The following LAMB4 variants were observed in gnomAD, a reference collection of about 807,000 sequenced individuals.
LAMB4 encodes the protein laminin subunit beta 4.
Under a neutral mutation model 199.2 loss-of-function variants are expected in LAMB4, and 196 were observed. That is an observed-to-expected ratio of 0.98 (90% CI 0.88 to 1.11). LAMB4 has a LOEUF of 1.11. Among genes scored for constraint, LAMB4 ranks in the 50% least tolerant of loss-of-function variants. The pLI, the probability that LAMB4 is intolerant of heterozygous loss-of-function variation, is 0.00. For synonymous variants in LAMB4, 744 were observed against 770.6 expected (o/e 0.97, Z 0.57); for missense variants, 2,080 against 2,171.2 (o/e 0.96, Z 0.83).
chr7:108,088,014 C>T (rs2037250066), intron 14 of LAMB4, among the ~76,000 whole-genome samples: 1 of 152,090 alleles, frequency 6.6e-6, no homozygotes, highest in African/African-American at 2.4e-5. Context: ...GTGACTGTGG[C>T]CATTCATGAA....
intron 2 of LAMB4, among the ~76,000 whole-genome samples, chr7:108,121,756 A>G (rs1221470310): frequency 3.3e-5 from 5 of 152,058 alleles, no homozygotes; most frequent in Non-Finnish European, 7.3e-5. Context: ...GTCTTAAAAA[A>G]AAAAAAAAAA....
chr7:108,108,556 G>C (rs893113541), intron 5 of LAMB4, among the ~76,000 whole-genome samples: 1 of 151,660 alleles, frequency 6.6e-6, no homozygotes, highest in Non-Finnish European at 1.5e-5. Context: ...CAATCATCCC[G>C]CTAATTCTGT....
chr7:108,104,750 T>A, intron 8 of LAMB4, 131 bp from the exon 9 acceptor site: 2 of 962,556 alleles, frequency 2.1e-6, no homozygotes, highest in Non-Finnish European at 3.0e-6. Context: ...TTAATTACAA[T>A]ACCAACCTTG....
intron 12 of LAMB4, among the ~76,000 whole-genome samples, chr7:108,093,646 G>A (rs56819527): frequency 0.036 from 5,475 of 152,162 alleles, 320 homozygotes; most frequent in African/African-American, 0.12. Context: ...TGAGATACAA[G>A]TAACTATTTT....
chr7:108,025,645 C>G (rs1390675855), intron 33 of LAMB4, among the ~76,000 whole-genome samples: 3 of 152,034 alleles, frequency 2.0e-5, no homozygotes, highest in Non-Finnish European at 2.9e-5. Flanking sequence ...TCAGGCTGGT[C>G]TTGAACTCCC....
chr7:108,024,858 A>C (rs1188236957), intron 33 of LAMB4, among the ~76,000 whole-genome samples: 10 of 152,252 alleles, frequency 6.6e-5, no homozygotes, highest in African/African-American at 2.2e-4. Context: ...AAGTGGATAC[A>C]AGAGGCATAG....
At chr7:108,036,874 C>T (rs983494710) in intron 30 of LAMB4, among the ~76,000 whole-genome samples, 7 of 144,750 alleles carry the variant, frequency 4.8e-5, no homozygotes, top group Admixed American at 1.4e-4. Flanking sequence ...AAAGGAATTG[C>T]GGTTTTTGCC....
rs539102097 is a variant in LAMB4, at chr7:108,099,347, G to A, written c.1181-765C>T. 5.6e-4 allele frequency among the ~76,000 whole-genome samples: 85 copies of A among 152,288 alleles called. No individual in the cohort carries two copies. The South Asian group carries it at 8.7e-3, about 16-fold the overall frequency. On this transcript the variant is annotated intron_variant, in intron 10 of 33. Transcript: ENST00000388781. ...GTAGACATTTGAACAACTCAAGGATGGTGTGTCATATGAAAAAGAATGTTG... is the reference window on the plus strand; with the variant it reads ...GTAGACATTTGAACAACTCAAGGATAGTGTGTCATATGAAAAAGAATGTTG...
intron 9 of LAMB4, 98 bp from the exon 10 acceptor site, chr7:108,103,330 C>T (rs2037884488): frequency 1.0e-6 from 1 of 973,924 alleles, no homozygotes; most frequent in African/African-American, 1.6e-5. Context: ...TCCTCCTTGT[C>T]CTCCTGCCAT....
chr7:108,035,685 A>C (rs1056057944), intron 30 of LAMB4, among the ~76,000 whole-genome samples: 5 of 149,392 alleles, frequency 3.3e-5, no homozygotes, highest in Admixed American at 2.7e-4. Context: ...AAATGTTAGG[A>C]TATTGTAGCA....
Position 108,062,833 on chromosome 7 carries a change from T to A in LAMB4, c.3223A>T (p.Arg1075Ter). The part of the protein sequence containing the change: ...ADGYWNLVPG[R>*]GCQSCDCDPR... ...TCACAGTCACATGACTGACATCCTCTGCCAGGGACCAGATTCCAGTATCCA... is the reference window on the plus strand; with the variant it reads ...TCACAGTCACATGACTGACATCCTCAGCCAGGGACCAGATTCCAGTATCCA... Residue 1075 changes from arginine (R) to a stop codon, truncating the protein, a stop_gained, in exon 23 of 34, where the codon AGA becomes TGA. Coordinates refer to ENST00000388781, the MANE Select transcript of LAMB4 (RefSeq NM_007356.3). LOFTEE classifies it high-confidence loss of function. 1 of 1,556,656 alleles carries A rather than the reference T, an allele frequency of 6.4e-7. No homozygotes were observed. The highest frequency in any genetic ancestry group is 8.7e-7 in the Non-Finnish European group (1 of 1,153,228).
At chr7:108,126,554 C>CTTTTTTTTTTTTTTTTTTTTTTTTTTTTT (rs71137605) in intron 1 of LAMB4, among the ~76,000 whole-genome samples, 1 of 83,520 alleles carries the variant, frequency 1.2e-5, no homozygotes, top group Non-Finnish European at 2.0e-5. Context: ...GAATTTCTTT[C>CTTTTTTTTTTTTTTTTTTTTTTTTTTTTT]TTTTTTTTTT....
At chr7:108,073,521 G>A (rs1209807599) in intron 17 of LAMB4, among the ~76,000 whole-genome samples, 1 of 152,234 alleles carries the variant, frequency 6.6e-6, no homozygotes, top group Non-Finnish European at 1.5e-5. Flanking sequence ...TGATCTCACA[G>A]TGCTTGCCAA....
At chr7:108,054,516 C>G (rs1478456200) in intron 25 of LAMB4, among the ~76,000 whole-genome samples, 1 of 152,092 alleles carries the variant, frequency 6.6e-6, no homozygotes, top group Non-Finnish European at 1.5e-5. Context: ...AATCCAGGAC[C>G]TTTTCTTGGG....
intron 11 of LAMB4, among the ~76,000 whole-genome samples, chr7:108,096,110 G>A (rs1298792302): frequency 3.9e-5 from 6 of 152,212 alleles, no homozygotes; most frequent in African/African-American, 1.2e-4. Flanking sequence ...ACTCCAGAAC[G>A]CTTTTCATCC....
intron 21 of LAMB4, 117 bp from the exon 22 acceptor site, chr7:108,064,102 A>T: frequency 2.8e-6 from 2 of 718,258 alleles, no homozygotes; most frequent in Non-Finnish European, 4.9e-6. Flanking sequence ...GAGAAATCAC[A>T]CATTCGGGGT....
At chr7:108,021,675 C>T (rs189136764), downstream of LAMB4, among the ~76,000 whole-genome samples, 1 of 151,920 alleles carries the variant, frequency 6.6e-6, no homozygotes, top group East Asian at 1.9e-4. Context: ...CACCATTGCA[C>T]TCCAGCCTGG....
intron 25 of LAMB4, among the ~76,000 whole-genome samples, chr7:108,053,847 A>G (rs2035899971): frequency 6.6e-6 from 1 of 152,220 alleles, no homozygotes; most frequent in African/African-American, 2.4e-5. Context: ...GCCAAAGCTC[A>G]TTCTCAGACA....
rs182312786 is a variant in LAMB4 at position 108,084,227 on chromosome 7, G to A, written c.1702-4441C>T. Among the ~76,000 whole-genome samples the A allele has an allele frequency of 1.3e-4, 20 of 152,344 alleles. No individual in the cohort carries two copies. The East Asian group carries it at 1.4e-3, about 10-fold the overall frequency. ...GCCTTGGTACCAACTGCAGCAGCCA[G>A]AGGCTGTAGTTTGTCTCACTAGTGT... On this transcript the variant is annotated intron_variant, in intron 14 of 33. Coordinates refer to ENST00000388781, the MANE Select transcript of LAMB4 (RefSeq NM_007356.3).
Sources: gnomAD v4.1 joint callset for allele counts (sites outside exome capture counted in the v4.1 genomes callset) on GRCh38, gnomAD v4.1.1 for gene constraint, MANE v1.5 for transcripts, NCBI Gene and HGNC (gene_info 2026-07-23, HGNC 2026-07-21) for gene names.